Variants in RFTN2 observed in about 807,000 individuals in gnomAD.
RFTN2 encodes the protein raftlin family member 2, also known as raftlin-2.
RFTN2 carries 34 observed loss-of-function variants against 52.7 expected under a neutral mutation model. The ratio of observed to expected loss-of-function variants is 0.64; its 90% CI spans 0.49 to 0.86. The LOEUF (loss-of-function observed/expected upper bound fraction) is 0.86, where lower values mean the gene tolerates loss of function less well. Among genes scored for constraint, RFTN2 ranks in the 40% least tolerant of loss-of-function variants. The pLI, the probability that RFTN2 is intolerant of heterozygous loss-of-function variation, is 0.00. For synonymous variants in RFTN2, 203 were observed against 217.7 expected (o/e 0.93, Z 0.59); for missense variants, 536 against 600.1 (o/e 0.89, Z 1.12).
intron 8 of RFTN2, among the ~76,000 whole-genome samples, chr2:197,588,858 A>T (rs2087643231): frequency 6.6e-6 from 1 of 152,140 alleles, no homozygotes; most frequent in South Asian, 2.1e-4. Flanking sequence ...GATGGGAGAT[A>T]ATTGAATCAC....
At chr2:197,601,043 G>A (rs74379805) in intron 7 of RFTN2, among the ~76,000 whole-genome samples, 56 of 152,296 alleles carry the variant, frequency 3.7e-4, no homozygotes, top group African/African-American at 6.0e-4. Flanking sequence ...TGGTCAGCAC[G>A]AGGGCACAGG....
At chr2:197,653,414 A>G (rs2106259166) in intron 1 of RFTN2, among the ~76,000 whole-genome samples, 1 of 152,344 alleles carries the variant, frequency 6.6e-6, no homozygotes, top group South Asian at 2.1e-4. Context: ...GCTGTCACAC[A>G]GAAGAGGCTG....
chr2:197,616,613 T>C (rs1049569233), intron 6 of RFTN2, among the ~76,000 whole-genome samples: 1 of 152,162 alleles, frequency 6.6e-6, no homozygotes, highest in East Asian at 1.9e-4. Flanking sequence ...TTAACACGAG[T>C]TCCTTAGCGG....
At chr2:197,624,560 A>T (rs1463523953) in intron 5 of RFTN2, among the ~76,000 whole-genome samples, 1 of 144,958 alleles carries the variant, frequency 6.9e-6, no homozygotes, top group Non-Finnish European at 1.5e-5. Flanking sequence ...ATCTCACCAC[A>T]GCACTCCAGC....
rs554423261 is a variant in RFTN2 at position 197,586,386 on chromosome 2, G to C, written c.1233+9605C>G. Among the ~76,000 whole-genome samples, 214 of 152,300 alleles carry C rather than the reference G, an allele frequency of 1.4e-3. 3 individuals carry two copies. Among genetic ancestry groups the C allele is most frequent in the South Asian group, 8.3e-3 (40 of 4,824 alleles). ...AGCTGGATCCCTAGGAGTCTGGGTA[G>C]AAGACACTTCTTTCAGCACTCCTTC... On this transcript the variant is annotated intron_variant, in intron 8 of 8. Transcript: ENST00000295049.
chr2:197,672,927 G>A (rs1286260794), intron 1 of RFTN2, among the ~76,000 whole-genome samples: 2 of 152,008 alleles, frequency 1.3e-5, no homozygotes, highest in African/African-American at 4.8e-5. Context: ...TTGTTTTCTG[G>A]GTGGAGCTTT....
intron 1 of RFTN2, among the ~76,000 whole-genome samples, chr2:197,650,863 T>C (rs2088816310): frequency 1.3e-5 from 2 of 152,164 alleles, no homozygotes; most frequent in South Asian, 4.1e-4. Context: ...TTGAGGAAAC[T>C]CCATATTGTT....
At position 197,675,527 on chromosome 2, in the gene RFTN2, G is replaced by T; in HGVS notation, c.-69C>A. On this transcript the variant is annotated 5_prime_UTR_variant, in exon 1 of 9. Coordinates refer to ENST00000295049, the MANE Select transcript of RFTN2 (RefSeq NM_144629.3). ...AGCAGCAAATTCTGTTGTTTAAGCT[G>T]CAAAAAGAAAGTTACAGACTTAACT... 1 of 923,714 alleles carries T rather than the reference G, an allele frequency of 1.1e-6. No homozygotes were observed. The highest frequency in any genetic ancestry group is 1.3e-6 in the Non-Finnish European group (1 of 743,212). 57.2% of individuals were successfully genotyped at this position (923,714 alleles called of 1,614,324 possible).
At chr2:197,657,482 G>T (rs1164926405) in intron 1 of RFTN2, among the ~76,000 whole-genome samples, 1 of 152,186 alleles carries the variant, frequency 6.6e-6, no homozygotes, top group African/African-American at 2.4e-5. Context: ...TCACTCTGGT[G>T]AGCGCTGATG....
At chr2:197,608,715 G>A (rs896633273) in intron 7 of RFTN2, among the ~76,000 whole-genome samples, 1 of 146,550 alleles carries the variant, frequency 6.8e-6, no homozygotes, top group Admixed American at 6.9e-5. Context: ...AGTGTGCCAT[G>A]TTGGTTTGCT....
chr2:197,654,628 G>A (rs2088867988), intron 1 of RFTN2, among the ~76,000 whole-genome samples: 1 of 152,154 alleles, frequency 6.6e-6, no homozygotes, highest in Non-Finnish European at 1.5e-5. Context: ...GAAGTAGCAA[G>A]GACACAATGA....
intron 2 of RFTN2, among the ~76,000 whole-genome samples, chr2:197,645,097 G>C (rs2088729706): frequency 6.6e-6 from 1 of 152,104 alleles, no homozygotes; most frequent in Admixed American, 6.5e-5. Context: ...TCTTTAGGAT[G>C]GTTTTGATAT....
chr2:197,663,232 G>A (rs2089003673), intron 1 of RFTN2, among the ~76,000 whole-genome samples: 1 of 152,040 alleles, frequency 6.6e-6, no homozygotes, highest in Admixed American at 6.6e-5. Flanking sequence ...GTGCTATTGA[G>A]TTTGGTTTGC....
chr2:197,648,589 C>T (rs1413645034), intron 1 of RFTN2, among the ~76,000 whole-genome samples: 1 of 152,142 alleles, frequency 6.6e-6, no homozygotes, highest in Non-Finnish European at 1.5e-5. Context: ...AGGAATGAAA[C>T]ATAACCTAAA....
At chr2:197,572,445 C>T (rs1324088461) in intron 8 of RFTN2, among the ~76,000 whole-genome samples, 165 bp from the exon 9 acceptor site, 1 of 152,170 alleles carries the variant, frequency 6.6e-6, no homozygotes, top group Admixed American at 6.5e-5. Context: ...TCCACATTCC[C>T]CTCTCCACCC....
chr2:197,621,776 G>GT (rs2088270448), intron 5 of RFTN2, among the ~76,000 whole-genome samples: 1 of 152,042 alleles, frequency 6.6e-6, no homozygotes, highest in Admixed American at 6.6e-5. Flanking sequence ...TAGCCTCTAG[G>GT]TGTTCAAGTG....
intron 1 of RFTN2, among the ~76,000 whole-genome samples, chr2:197,652,403 A>G (rs763603607): frequency 1.3e-5 from 2 of 152,210 alleles, no homozygotes; most frequent in African/African-American, 4.8e-5. Flanking sequence ...TCATAGGAAG[A>G]TTACGTGGAA....
chr2:197,605,494 C>T lies in RFTN2; in HGVS notation c.1155-9425G>A, dbSNP rs188460707. On this transcript the variant is annotated intron_variant, in intron 7 of 8. Transcript: ENST00000295049. ...CCTCCCAAAGTGCTGAGATTACAGG[C>T]GTGAGCCACCGCGCCTGGCCGAATT... Among the ~76,000 whole-genome samples the T allele has an allele frequency of 3.4e-4, 51 of 152,156 alleles. No homozygotes were observed. In the East Asian group the frequency reaches 8.5e-3, roughly 25 times the overall value.
Position 197,658,220 on chromosome 2 carries a change from G to A in RFTN2, c.140-11554C>T, listed in dbSNP as rs143355747. Among the ~76,000 whole-genome samples, 775 of 150,014 alleles carry A rather than the reference G, an allele frequency of 5.2e-3. 7 individuals are homozygous for A. Among genetic ancestry groups the A allele is most frequent in the African/African-American group, 0.018 (715 of 40,726 alleles). ...GAAAAAAAAAATGAGTATCCTTTAA[G>A]GACTTGGATTTGACTTCCTTCCAAT... On this transcript the variant is annotated intron_variant, in intron 1 of 8. Transcript: ENST00000295049.
Sources: allele counts gnomAD v4.1 joint callset (sites outside exome capture counted in the v4.1 genomes callset), GRCh38; gene constraint gnomAD v4.1.1; transcripts MANE v1.5; gene names NCBI Gene and HGNC (gene_info 2026-07-23, HGNC 2026-07-21).